The following SHANK2 variants were observed in gnomAD, a reference collection of about 807,000 sequenced individuals.
SHANK2 encodes SH3 and multiple ankyrin repeat domains protein 2.
A neutral mutation model predicts 133.7 loss-of-function variants in SHANK2; 43 were observed. The ratio of observed to expected loss-of-function variants is 0.32; its 90% CI spans 0.25 to 0.41. The LOEUF (loss-of-function observed/expected upper bound fraction) is 0.41. Among genes scored for constraint, SHANK2 ranks in the 10% least tolerant of loss-of-function variants. The pLI is 1.00. For synonymous variants in SHANK2, 1,017 were observed against 952.8 expected (o/e 1.07, Z -1.24); for missense variants, 1,994 against 2,235.8 (o/e 0.89, Z 2.18).
chr11:70,810,159 A>G (rs1431045717), intron 12 of SHANK2, among the ~76,000 whole-genome samples: 6 of 152,198 alleles, frequency 3.9e-5, no homozygotes, highest in African/African-American at 1.4e-4. Flanking sequence ...GGCATAGCTC[A>G]GTGAGCCACC....
At chr11:70,954,580 T>C (rs1205529612) in intron 10 of SHANK2, among the ~76,000 whole-genome samples, 1 of 152,214 alleles carries the variant, frequency 6.6e-6, no homozygotes, top group East Asian at 1.9e-4. Context: ...CCGCCCTCAC[T>C]TTCATGGGCT....
chr11:70,580,367 G>T (rs1398974058), intron 17 of SHANK2, among the ~76,000 whole-genome samples: 1 of 152,228 alleles, frequency 6.6e-6, no homozygotes, highest in Non-Finnish European at 1.5e-5. Context: ...TGTCCAGGGG[G>T]CCACCAGCAG....
At chr11:71,068,224 A>C (rs1183355910) in intron 9 of SHANK2, among the ~76,000 whole-genome samples, 5 of 152,192 alleles carry the variant, frequency 3.3e-5, no homozygotes, top group African/African-American at 1.2e-4. Context: ...GGTGATGTAC[A>C]CAAGTAGTCT....
chr11:70,729,794 A>G (rs1946247771), intron 14 of SHANK2, among the ~76,000 whole-genome samples: 2 of 150,500 alleles, frequency 1.3e-5, no homozygotes, highest in Admixed American at 6.6e-5. Flanking sequence ...CAGCCTCCCA[A>G]AGTGCTGGGA....
At chr11:70,850,592 C>T (rs1037171931) in intron 11 of SHANK2, among the ~76,000 whole-genome samples, 1 of 152,178 alleles carries the variant, frequency 6.6e-6, no homozygotes, top group South Asian at 2.1e-4. Flanking sequence ...CATGCACGCC[C>T]GAGCTGAGCT....
At chr11:70,903,647 G>A (rs938560887) in intron 10 of SHANK2, among the ~76,000 whole-genome samples, 1 of 152,088 alleles carries the variant, frequency 6.6e-6, no homozygotes, top group Non-Finnish European at 1.5e-5. Context: ...CCCGGGGCTC[G>A]AGGTTGGTTC....
intron 10 of SHANK2, among the ~76,000 whole-genome samples, chr11:70,937,703 G>A (rs1371118479): frequency 2.0e-5 from 3 of 151,298 alleles, no homozygotes; most frequent in African/African-American, 4.9e-5. Context: ...TTTTTCTTGA[G>A]GGGCAATAGA....
intron 12 of SHANK2, among the ~76,000 whole-genome samples, chr11:70,816,883 A>AC (rs1555054500): frequency 6.6e-6 from 1 of 152,186 alleles, no homozygotes; most frequent in African/African-American, 2.4e-5. Context: ...GGACATTCAG[A>AC]CCAAGTGTGC....
intron 25 of SHANK2, chr11:70,474,061 AG>A (rs782123850): frequency 1.4e-4 from 25 of 180,538 alleles, no homozygotes; most frequent in Non-Finnish European, 2.9e-4. Context: ...GTAGCTACGC[AG>A]GGCACTCAGG....
At chr11:71,171,863 G>A (rs781851673) in intron 2 of SHANK2, among the ~76,000 whole-genome samples, 2 of 152,178 alleles carry the variant, frequency 1.3e-5, no homozygotes, top group African/African-American at 4.8e-5. Flanking sequence ...TGCCTTAGAG[G>A]CCCCATTCTC....
chr11:71,103,874 C>G (rs1225169061), intron 6 of SHANK2, among the ~76,000 whole-genome samples: 44 of 133,180 alleles, frequency 3.3e-4, no homozygotes, highest in African/African-American at 9.5e-4. Context: ...CCCTCTCCCC[C>G]CCTCTTTCTC....
At chr11:70,528,075 C>A (rs1303720035) in intron 17 of SHANK2, among the ~76,000 whole-genome samples, 1 of 152,208 alleles carries the variant, frequency 6.6e-6, no homozygotes, top group Non-Finnish European at 1.5e-5. Flanking sequence ...TGATCCGGAC[C>A]CAGACGACAA....
intron 17 of SHANK2, among the ~76,000 whole-genome samples, chr11:70,521,798 A>G (rs1437088992): frequency 6.6e-6 from 1 of 151,648 alleles, no homozygotes; most frequent in Non-Finnish European, 1.5e-5. Context: ...ACGTAACAAC[A>G]CCCCCTGGAG....
chr11:70,769,429 C>T (rs529591410), intron 14 of SHANK2, among the ~76,000 whole-genome samples: 15 of 152,306 alleles, frequency 9.8e-5, no homozygotes, highest in Admixed American at 5.9e-4. Flanking sequence ...TAGGTCAGGT[C>T]GCCACTGGGG....
intron 2 of SHANK2, among the ~76,000 whole-genome samples, chr11:71,208,770 G>A (rs1233705193): frequency 6.6e-6 from 1 of 152,166 alleles, no homozygotes; most frequent in East Asian, 1.9e-4. Flanking sequence ...TAACAAGAGA[G>A]TCTAGGAAGA....
intron 21 of SHANK2, among the ~76,000 whole-genome samples, chr11:70,497,345 A>C (rs2058985923): frequency 6.6e-6 from 1 of 152,168 alleles, no homozygotes; most frequent in Admixed American, 6.5e-5. Flanking sequence ...AAAAGCTCAG[A>C]ACTAGGTCTT....
intron 15 of SHANK2, among the ~76,000 whole-genome samples, chr11:70,688,282 T>C (rs1555020179): frequency 6.6e-6 from 1 of 152,156 alleles, no homozygotes; most frequent in Non-Finnish European, 1.5e-5. Context: ...GGTCTGAGCG[T>C]ACCTCCAGCC....
chr11:70,889,451 C>T (rs778404894), intron 11 of SHANK2, among the ~76,000 whole-genome samples: 19 of 152,294 alleles, frequency 1.2e-4, no homozygotes, highest in South Asian at 4.1e-4. Flanking sequence ...GTGGCAGCCC[C>T]GGGAACCGGG....
At chr11:70,653,171 C>T (rs12281414) in intron 17 of SHANK2, among the ~76,000 whole-genome samples, 3,973 of 152,170 alleles carry the variant, frequency 0.026, 177 homozygotes, top group African/African-American at 0.09. Context: ...GACGGGGTTT[C>T]ACCATGTTAG....
Sources: gnomAD v4.1 joint callset for allele counts (sites outside exome capture counted in the v4.1 genomes callset) on GRCh38, gnomAD v4.1.1 for gene constraint, MANE v1.5 for transcripts, NCBI Gene and HGNC (gene_info 2026-07-23, HGNC 2026-07-21) for gene names.